Variants in PARD3 observed in about 807,000 individuals in gnomAD.
PARD3 encodes partitioning defective 3 homolog.
Under a neutral mutation model 155.4 loss-of-function variants are expected in PARD3, and 75 were observed. The observed-to-expected ratio is 0.48, with a 90% confidence interval of 0.40 to 0.58. The LOEUF is 0.58. Ranked by LOEUF, PARD3 falls within the 20% of genes least tolerant of loss-of-function variation. The pLI, the probability that PARD3 is intolerant of heterozygous loss-of-function variation, is 0.00. For missense variants in PARD3, 1,642 were observed against 1,721.7 expected, an observed-to-expected ratio of 0.95 and a Z score of 0.82; for synonymous variants, 576 against 610.5, an observed-to-expected ratio of 0.94 and a Z score of 0.83.
chr10:34,145,225 T>TTTTTTA (rs1234463568), intron 22 of PARD3, among the ~76,000 whole-genome samples: 1 of 85,540 alleles, frequency 1.2e-5, no homozygotes, highest in Non-Finnish European at 2.3e-5. Context: ...ATATATATTT[T>TTTTTTA]TTTTTTTTTT....
chr10:34,770,475 C>T (rs1332415358), intron 1 of PARD3, among the ~76,000 whole-genome samples: 1 of 152,164 alleles, frequency 6.6e-6, no homozygotes, highest in African/African-American at 2.4e-5. Flanking sequence ...TAACTTGCTC[C>T]CAGACTTTTC....
intron 1 of PARD3, among the ~76,000 whole-genome samples, chr10:34,807,540 C>A (rs1403828660): frequency 6.6e-6 from 1 of 152,092 alleles, no homozygotes; most frequent in African/African-American, 2.4e-5. Flanking sequence ...CCAGTCCTAG[C>A]GGAACACCAC....
chr10:34,483,467 G>GT (rs1409987864), intron 3 of PARD3, among the ~76,000 whole-genome samples: 1 of 140,042 alleles, frequency 7.1e-6, no homozygotes, highest in African/African-American at 2.8e-5. Context: ...GGACGACAGA[G>GT]TGAGACTCTG....
intron 21 of PARD3, among the ~76,000 whole-genome samples, chr10:34,276,853 A>G (rs966543075): frequency 4.6e-5 from 7 of 152,254 alleles, no homozygotes; most frequent in African/African-American, 1.4e-4. Context: ...TACATGTTGT[A>G]TTTTTTTAAA....
At chr10:34,317,457 G>T in intron 19 of PARD3, 119 bp from the exon 20 acceptor site, 1 of 1,022,460 alleles carries the variant, frequency 9.8e-7, no homozygotes, top group Non-Finnish European at 1.4e-6. Context: ...GGCCCTGCTA[G>T]CAACATGGAC....
intron 2 of PARD3, among the ~76,000 whole-genome samples, chr10:34,606,087 T>C (rs2090394554): frequency 6.8e-6 from 1 of 147,692 alleles, no homozygotes; most frequent in Non-Finnish European, 1.5e-5. Flanking sequence ...TATATAGATA[T>C]ATCCTATTAG....
intron 22 of PARD3, among the ~76,000 whole-genome samples, chr10:34,264,030 T>C (rs972356950): frequency 6.6e-6 from 1 of 152,218 alleles, no homozygotes; most frequent in African/African-American, 2.4e-5. Flanking sequence ...CACAATTCAT[T>C]ATACAGATGG....
intron 3 of PARD3, among the ~76,000 whole-genome samples, chr10:34,476,002 G>A (rs1341794239): frequency 1.3e-5 from 2 of 152,120 alleles, no homozygotes; most frequent in East Asian, 3.9e-4. Context: ...GACAACCACT[G>A]AGAAGCTGGG....
intron 1 of PARD3, among the ~76,000 whole-genome samples, chr10:34,731,750 T>C (rs1283875048): frequency 2.6e-5 from 4 of 152,214 alleles, no homozygotes; most frequent in African/African-American, 9.6e-5. Flanking sequence ...TCCTAGTTTT[T>C]TCATCATGCC....
At chr10:34,755,641 C>G (rs1455349550) in intron 1 of PARD3, among the ~76,000 whole-genome samples, 1 of 152,050 alleles carries the variant, frequency 6.6e-6, no homozygotes, top group Non-Finnish European at 1.5e-5. Flanking sequence ...CAGCAGTTTT[C>G]TCATCAAATG....
At chr10:34,362,547 T>C (rs1389454733) in intron 12 of PARD3, among the ~76,000 whole-genome samples, 2 of 152,232 alleles carry the variant, frequency 1.3e-5, no homozygotes, top group African/African-American at 2.4e-5. Context: ...CAAGGTGGAA[T>C]GCGGTGGTAC....
At chr10:34,397,704 G>A (rs1458308170) in intron 7 of PARD3, among the ~76,000 whole-genome samples, 2 of 152,124 alleles carry the variant, frequency 1.3e-5, no homozygotes, top group East Asian at 3.9e-4. Context: ...CTTTCACAGT[G>A]AGGTAGAAAA....
chr10:34,347,788 C>T (rs922392751), intron 15 of PARD3, among the ~76,000 whole-genome samples, 177 bp downstream of exon 15: 2 of 152,158 alleles, frequency 1.3e-5, no homozygotes, highest in Non-Finnish European at 2.9e-5. Context: ...TACCTCTTCA[C>T]ATGAACACTT....
intron 22 of PARD3, among the ~76,000 whole-genome samples, chr10:34,237,129 A>AT (rs1953286003): frequency 1.3e-5 from 2 of 152,212 alleles, no homozygotes; most frequent in Non-Finnish European, 2.9e-5. Flanking sequence ...GTAAACTCTT[A>AT]ACCACAGATG....
chr10:34,242,235 T>C (rs1034731606), intron 22 of PARD3, among the ~76,000 whole-genome samples: 3 of 152,222 alleles, frequency 2.0e-5, no homozygotes, highest in African/African-American at 7.2e-5. Flanking sequence ...ATAATTTACT[T>C]GATCAGTCTG....
In PARD3 at chr10:34,360,107, A is replaced by C. The variant is rs770027020; in HGVS notation, c.1860T>G (p.Phe620Leu). 2 of 1,614,008 alleles carry C rather than the reference A, an allele frequency of 1.2e-6. No homozygotes were observed. The highest frequency in any genetic ancestry group is 1.7e-6 in the Non-Finnish European group (2 of 1,179,992). The change falls in exon 13 of 25, where the codon TTT (phenylalanine) becomes TTG (leucine). Residue 620 changes from phenylalanine to leucine, a missense_variant. Phe to Leu is a conservative substitution (Grantham distance 22). Around this residue, in one of 3 missense-constraint regions of PARD3, gnomAD observed 1,529 missense variants for 1,587.3 expected, o/e 0.96. Transcript: ENST00000374788. ...SKENHADLGIFVKSIINGGAA... is the reference protein window; with the variant it reads ...SKENHADLGILVKSIINGGAA... The stretch of plus-strand genomic sequence containing the variant: ...CTCCTCCATTAATAATGGACTTGAC[A>C]AAGATTCCCAAATCTGCGTGGTTCT...
chr10:34,615,011 T>C (rs1331628446), intron 2 of PARD3, among the ~76,000 whole-genome samples: 1 of 152,050 alleles, frequency 6.6e-6, no homozygotes, highest in Non-Finnish European at 1.5e-5. Context: ...ACCACGTCTC[T>C]ACTAAAAATA....
At chr10:34,612,419 C>T (rs548347276) in intron 2 of PARD3, among the ~76,000 whole-genome samples, 5 of 152,094 alleles carry the variant, frequency 3.3e-5, no homozygotes, top group African/African-American at 9.6e-5. Flanking sequence ...CCTAATACAA[C>T]GGAAGGTTAA....
At chr10:34,778,156 A>C (rs1051413750) in intron 1 of PARD3, among the ~76,000 whole-genome samples, 1 of 152,220 alleles carries the variant, frequency 6.6e-6, no homozygotes, top group African/African-American at 2.4e-5. Flanking sequence ...ATCAGCTCTA[A>C]ATCACTTATA....
Sources: gnomAD v4.1 joint callset for allele counts (sites outside exome capture counted in the v4.1 genomes callset) on GRCh38, gnomAD v4.1.1 for gene constraint, gnomAD v4.1.1 regional missense constraint, MANE v1.5 for transcripts, NCBI Gene and HGNC (gene_info 2026-07-23, HGNC 2026-07-21) for gene names.